Variants in ARF4 observed in about 807,000 individuals in gnomAD.
The protein encoded by ARF4 is ARF GTPase 4.
ARF4 carries 5 observed loss-of-function variants against 24.3 expected under a neutral mutation model. That is an observed-to-expected ratio of 0.21 (90% CI 0.11 to 0.43). The LOEUF (loss-of-function observed/expected upper bound fraction) is 0.43. Among genes scored for constraint, ARF4 ranks in the 20% least tolerant of loss-of-function variants. ARF4 has a pLI of 1.00. For missense variants in ARF4, 107 were observed against 213.0 expected (o/e 0.50, Z 3.10); for synonymous variants, 62 against 73.5 (o/e 0.84, Z 0.80).
At chr3:57,589,640 C>A (rs2070083249) in intron 1 of ARF4, among the ~76,000 whole-genome samples, 1 of 151,128 alleles carries the variant, frequency 6.6e-6, no homozygotes, top group African/African-American at 2.4e-5. Context: ...ATCGCTTGAA[C>A]CCGGGAGGTG....
intron 5 of ARF4, among the ~76,000 whole-genome samples, chr3:57,574,385 T>C (rs914617428): frequency 8.0e-5 from 12 of 150,918 alleles, no homozygotes; most frequent in African/African-American, 2.9e-4. Flanking sequence ...TGATCAATGA[T>C]AAGCAATTTT....
At chr3:57,585,330 T>C (rs1048290766) in intron 1 of ARF4, among the ~76,000 whole-genome samples, 1 of 152,244 alleles carries the variant, frequency 6.6e-6, no homozygotes, top group Non-Finnish European at 1.5e-5. Context: ...AAGTATGTCC[T>C]AGTGGTATAA....
intron 1 of ARF4, among the ~76,000 whole-genome samples, chr3:57,594,368 G>A (rs774597606): frequency 3.4e-4 from 52 of 152,132 alleles, no homozygotes; most frequent in Non-Finnish European, 5.0e-4. Flanking sequence ...GATAATAGGC[G>A]TGAGCCACCA....
intron 3 of ARF4, among the ~76,000 whole-genome samples, chr3:57,582,247 A>ATTTTTTTTTT (rs1268406533): frequency 2.5e-4 from 36 of 144,496 alleles, no homozygotes; most frequent in African/African-American, 9.1e-4. Context: ...ACATTCTACT[A>ATTTTTTTTTT]TTTTTTTTTT....
intron 5 of ARF4, 73 bp downstream of exon 5, chr3:57,575,475 G>GA (rs2069892472): frequency 1.4e-6 from 2 of 1,426,308 alleles, no homozygotes; most frequent in Admixed American, 4.8e-5. Context: ...TGTTTAAACT[G>GA]AATATTAGCT....
At chr3:57,596,881 G>A in intron 1 of ARF4, 193 bp downstream of exon 1, 1 of 596,640 alleles carries the variant, frequency 1.7e-6, no homozygotes, top group Non-Finnish European at 2.9e-6. Context: ...GTCTCGTCTG[G>A]CGACAGATCG....
At chr3:57,587,439 C>T (rs79455221) in intron 1 of ARF4, among the ~76,000 whole-genome samples, 1 of 151,018 alleles carries the variant, frequency 6.6e-6, no homozygotes, top group African/African-American at 2.4e-5. Context: ...GTAGGTAATC[C>T]AAGTTTTCTT....
chr3:57,582,483 C>T (rs533587551), intron 3 of ARF4, among the ~76,000 whole-genome samples: 16 of 152,134 alleles, frequency 1.1e-4, no homozygotes, highest in African/African-American at 3.6e-4. Flanking sequence ...CCTCGTGATC[C>T]GCCCGCCTCA....
chr3:57,574,945 T>C (rs1029034594), intron 5 of ARF4, among the ~76,000 whole-genome samples: 1 of 151,214 alleles, frequency 6.6e-6, no homozygotes, highest in African/African-American at 2.4e-5. Flanking sequence ...ACCTCCTGGG[T>C]TCAAGTGATT....
intron 3 of ARF4, 90 bp downstream of exon 3, chr3:57,583,808 C>T (rs1247556379): frequency 1.1e-6 from 1 of 885,974 alleles, no homozygotes; most frequent in East Asian, 2.5e-5. Context: ...ATAGTAAACA[C>T]CAATATCCAA....
rs943458070 is a variant in ARF4, at chr3:57,597,021, T to C, written c.67+53A>G. 5 of 1,588,374 alleles carry C rather than the reference T, an allele frequency of 3.1e-6. No homozygotes were observed. In the African/African-American group the frequency reaches 6.7e-5, roughly 21 times the overall value. On this transcript the variant is annotated intron_variant, in intron 1 of 5. Coordinates refer to ENST00000303436, the MANE Select transcript of ARF4 (RefSeq NM_001660.4). Reference sequence around the variant, plus strand: ...AAACAGGCCCAGAGGCCACCCCAATTGTGGAGACCCTGCCTTTCCCAGGTC... The same window carrying C: ...AAACAGGCCCAGAGGCCACCCCAATCGTGGAGACCCTGCCTTTCCCAGGTC...
chr3:57,578,302 C>T (rs1402919587), intron 3 of ARF4, among the ~76,000 whole-genome samples: 1 of 151,624 alleles, frequency 6.6e-6, no homozygotes, highest in African/African-American at 2.4e-5. Context: ...CTCCTGTAAT[C>T]CCAGCACTAT....
intron 5 of ARF4, among the ~76,000 whole-genome samples, chr3:57,573,782 A>G (rs1209543709): frequency 6.6e-6 from 1 of 152,066 alleles, no homozygotes; most frequent in East Asian, 1.9e-4. Context: ...GAGTTTTACC[A>G]TGTTGCCCAG....
At chr3:57,573,138 C>T (rs1170661388) in intron 5 of ARF4, among the ~76,000 whole-genome samples, 1 of 148,002 alleles carries the variant, frequency 6.8e-6, no homozygotes, top group Admixed American at 6.8e-5. Flanking sequence ...GAAGGCAGAG[C>T]TTGCAGTGAG....
At chr3:57,586,054 A>G (rs1490745173) in intron 1 of ARF4, among the ~76,000 whole-genome samples, 1 of 152,232 alleles carries the variant, frequency 6.6e-6, no homozygotes, top group Non-Finnish European at 1.5e-5. Flanking sequence ...ACAAGAGGCT[A>G]TACCTCCTTG....
At chr3:57,582,036 AT>A (rs1179875826) in intron 3 of ARF4, among the ~76,000 whole-genome samples, 2 of 152,326 alleles carry the variant, frequency 1.3e-5, no homozygotes, top group East Asian at 3.9e-4. Flanking sequence ...GGATTTCTGG[AT>A]TTAGAATGCT....
At chr3:57,596,882 C>A (rs2070195026) in intron 1 of ARF4, 192 bp downstream of exon 1, 2 of 598,652 alleles carry the variant, frequency 3.3e-6, no homozygotes, top group Non-Finnish European at 2.9e-6. Flanking sequence ...TCTCGTCTGG[C>A]GACAGATCGG....
intron 1 of ARF4, among the ~76,000 whole-genome samples, chr3:57,586,720 C>T (rs1479462580): frequency 1.3e-5 from 2 of 151,812 alleles, no homozygotes; most frequent in Non-Finnish European, 2.9e-5. Context: ...AATCAGAAAA[C>T]ATAATTCTAA....
intron 1 of ARF4, 108 bp downstream of exon 1, chr3:57,596,966 C>G: frequency 8.0e-7 from 1 of 1,249,892 alleles, no homozygotes. Context: ...GACCCGGCGC[C>G]CCTCCCCCAC....
Sources: allele counts gnomAD v4.1 joint callset (sites outside exome capture counted in the v4.1 genomes callset), GRCh38; gene constraint gnomAD v4.1.1; transcripts MANE v1.5; gene names NCBI Gene and HGNC (gene_info 2026-07-23, HGNC 2026-07-21).